The following GLYCTK variants were observed in gnomAD, a reference collection of about 807,000 sequenced individuals.
The protein encoded by GLYCTK is glycerate kinase.
A neutral mutation model predicts 24.8 loss-of-function variants in GLYCTK; 22 were observed. The ratio of observed to expected loss-of-function variants is 0.89; its 90% confidence interval spans 0.63 to 1.27. The LOEUF (loss-of-function observed/expected upper bound fraction) is 1.27, where lower values mean the gene tolerates loss of function less well. Ranked by LOEUF, GLYCTK falls within the 50% of genes most tolerant of loss-of-function variation. The pLI is 0.00. For synonymous variants in GLYCTK, 320 were observed against 297.2 expected, an observed-to-expected ratio of 1.08 and a Z score of -0.79; for missense variants, 684 against 686.7, an observed-to-expected ratio of 1.00 and a Z score of 0.04.
intron 2 of GLYCTK, 82 bp downstream of exon 2, chr3:52,290,801 C>G (rs896608794): frequency 7.6e-6 from 12 of 1,584,568 alleles, no homozygotes; most frequent in Non-Finnish European, 1.0e-5. Context: ...CGGGCCTCCC[C>G]TCCCCACCCG....
chr3:52,287,981 C>A (rs1700337327), intron 1 of GLYCTK, 105 bp downstream of exon 1: 3 of 347,144 alleles, frequency 8.6e-6, no homozygotes, highest in Non-Finnish European at 1.2e-5. Flanking sequence ...CATCACCGGG[C>A]ATTACGCGGC....
intron 1 of GLYCTK, chr3:52,288,144 C>T (rs1222878987): frequency 1.2e-5 from 2 of 167,310 alleles, no homozygotes; most frequent in African/African-American, 4.8e-5. Context: ...GCTCTGGAGC[C>T]TCCCGGAGTT....
At position 52,293,017 on chromosome 3, in the gene GLYCTK, A is replaced by T; in HGVS notation, c.1463A>T (p.Asp488Val). 1 of 1,614,010 alleles carries T rather than the reference A, an allele frequency of 6.2e-7. No individual in the cohort carries two copies. The part of the protein sequence containing the change: ...LDIATFLAHN[D>V]SHTFFCCLQG... ...ATAGCCACCTTCCTAGCCCACAATGACTCACATACCTTCTTCTGCTGCCTC... is the reference window on the plus strand; with the variant it reads ...ATAGCCACCTTCCTAGCCCACAATGTCTCACATACCTTCTTCTGCTGCCTC... The change falls in exon 5 of 5, where the codon GAC becomes GTC. Residue 488 changes from aspartate (D) to valine (V), a missense_variant. Asp to Val is a radical substitution (Grantham distance 152). Coordinates refer to ENST00000436784, the MANE Select transcript of GLYCTK (RefSeq NM_145262.4).
chr3:52,292,718 G>A lies in GLYCTK; in HGVS notation c.1164G>A (p.Leu388=), dbSNP rs1220767241. The change falls in exon 5 of 5, where the codon CTG becomes CTA. Residue 388 remains leucine, a synonymous_variant. Transcript: ENST00000436784. ...AAELQIPDLQ[L]EEALETMAWG... is the part of the protein sequence containing the mutation. ...AGCTTCAGATCCCAGACCTGCAGCT[G>A]GAGGAGGCTCTGGAGACCATGGCAT... 6.2e-7 allele frequency: 1 copy of A among 1,608,998 alleles called. No homozygotes were observed. Among genetic ancestry groups the A allele is most frequent in the Non-Finnish European group, 8.5e-7 (1 of 1,176,990 alleles).
At position 52,294,527 on chromosome 3, in the gene GLYCTK, G is replaced by A. The variant is rs1700583510; in HGVS notation, c.*1401G>A. The A allele has an allele frequency of 2.6e-6, 1 of 382,186 alleles. No homozygotes were observed. Among genetic ancestry groups the A allele is most frequent in the South Asian group, 1.9e-5 (1 of 51,958 alleles). 23.7% of individuals were successfully genotyped at this position (382,186 alleles called of 1,614,324 possible). A position where few individuals can be genotyped will look rare whatever the true frequency, so the allele number is the denominator to read the frequency against. ...GGGAGGGAGGTAAACGTGGTAAGCGGGCTCTGGGGACCAGGGAGGTTTAGG... is the reference window on the plus strand; with the variant it reads ...GGGAGGGAGGTAAACGTGGTAAGCGAGCTCTGGGGACCAGGGAGGTTTAGG... On this transcript the variant is annotated 3_prime_UTR_variant, in exon 5 of 5. Coordinates refer to ENST00000436784, the MANE Select transcript of GLYCTK (RefSeq NM_145262.4).
At position 52,294,951 on chromosome 3, in the gene GLYCTK, G is replaced by T. The variant is rs1230622616; in HGVS notation, c.*1825G>T. On this transcript the variant is annotated 3_prime_UTR_variant, in exon 5 of 5. Coordinates refer to ENST00000436784, the MANE Select transcript of GLYCTK (RefSeq NM_145262.4). ...CATAGATACTTAGTACAGGGCACATGACTCCCTGCATCCCTGCTGAGGGCT... is the reference window on the plus strand; with the variant it reads ...CATAGATACTTAGTACAGGGCACATTACTCCCTGCATCCCTGCTGAGGGCT... The T allele has an allele frequency of 8.8e-6, 4 of 453,964 alleles. No homozygotes were observed. The highest frequency in any genetic ancestry group is 1.3e-5 in the Non-Finnish European group (3 of 226,798). The allele number at this position is 453,964 out of a possible 1,614,324, so 28.1% of individuals were successfully genotyped here.
chr3:52,293,212 C>CT lies in GLYCTK; in HGVS notation c.*87dup. The CT allele has an allele frequency of 7.0e-7, 1 of 1,425,160 alleles. No homozygotes were observed. Among genetic ancestry groups the CT allele is most frequent in the Non-Finnish European group, 9.8e-7 (1 of 1,024,998 alleles). The allele number at this position is 1,425,160 out of a possible 1,614,324, so 88.3% of individuals were successfully genotyped here. On this transcript the variant is annotated 3_prime_UTR_variant, in exon 5 of 5. Transcript: ENST00000436784. ...AGCAAGGTTGGTCCTCAGGGCCTCT[C>CT]TAAGCCTTAGGGCCCCTCCTCTCCT... is the stretch of plus-strand genomic sequence containing the variant.
rs754471075 is a variant in GLYCTK at position 52,292,301 on chromosome 3, G to A, written c.747G>A (p.Val249=). The change falls in exon 5 of 5, where the codon GTG becomes GTA. Residue 249 remains valine, a synonymous_variant. Transcript: ENST00000436784. ...LILSDVVGDP[V]EVIASGPTVA... ...TGTCAGATGTGGTGGGGGACCCTGT[G>A]GAGGTGATTGCCAGTGGCCCCACCG... The A allele has an allele frequency of 2.5e-5, 40 of 1,613,992 alleles. No individual in the cohort carries two copies. The highest frequency in any genetic ancestry group is 3.3e-5 in the Non-Finnish European group (39 of 1,179,954).
Position 52,292,538 on chromosome 3 carries a change from C to T in GLYCTK, c.984C>T (p.Tyr328=). 6.2e-7 allele frequency: 1 copy of T among 1,613,924 alleles called. No individual in the cohort carries two copies. The highest frequency in any genetic ancestry group is 8.5e-7 in the Non-Finnish European group (1 of 1,180,016). The change falls in exon 5 of 5, where the codon TAC becomes TAT. Residue 328 remains tyrosine, a synonymous_variant. Coordinates refer to ENST00000436784, the MANE Select transcript of GLYCTK (RefSeq NM_145262.4). ...EAQRQAEALG[Y]QAVVLSAAMQ... The stretch of plus-strand genomic sequence containing the variant: ...AGCGGCAGGCCGAGGCACTGGGCTA[C>T]CAGGCTGTGGTGCTGAGTGCAGCCA...
In GLYCTK at chr3:52,293,302, T is replaced by C. The variant is rs1578032815; in HGVS notation, c.*176T>C. ...GGCCTCTGCTCTATATCTATTCCCT[T>C]CCAGCCAGACTGGCAGATGGGGGCT... On this transcript the variant is annotated 3_prime_UTR_variant, in exon 5 of 5. Coordinates refer to ENST00000436784, the MANE Select transcript of GLYCTK (RefSeq NM_145262.4). The C allele has an allele frequency of 1.3e-6, 1 of 742,312 alleles. No homozygotes were observed. The allele number at this position is 742,312 out of a possible 1,614,324, so 46.0% of individuals were successfully genotyped here. A position where few individuals can be genotyped will look rare whatever the true frequency, so the allele number is the denominator to read the frequency against.
Position 52,292,982 on chromosome 3 carries a change from G to A in GLYCTK, c.1428G>A (p.Glu476=). ...AGCTTGCCAGCCAGGCTGCAGCTGA[G>A]GGCCTGGACATAGCCACCTTCCTAG... The part of the protein sequence containing the change: ...TPELASQAAA[E]GLDIATFLAH... Residue 476 remains glutamate (E), a synonymous_variant, in exon 5 of 5, where the codon GAG becomes GAA. Transcript: ENST00000436784. 1 of 1,614,110 alleles carries A rather than the reference G, an allele frequency of 6.2e-7. No homozygotes were observed. The highest frequency in any genetic ancestry group is 8.5e-7 in the Non-Finnish European group (1 of 1,180,014).
intron 3 of GLYCTK, 183 bp from the exon 4 acceptor site, chr3:52,291,564 C>T (rs1700470444): frequency 1.6e-6 from 1 of 620,932 alleles, no homozygotes; most frequent in Non-Finnish European, 2.8e-6. Context: ...TGGGGTACCC[C>T]AAGGCAGGGG....
rs771806091 is a variant in GLYCTK at position 52,294,243 on chromosome 3, C to T, written c.*1117C>T. 3.0e-5 allele frequency: 16 copies of T among 534,656 alleles called. No homozygotes were observed. Among genetic ancestry groups the T allele is most frequent in the Admixed American group, 1.4e-4 (7 of 51,596 alleles). 33.1% of individuals were successfully genotyped at this position (534,656 alleles called of 1,614,324 possible). On this transcript the variant is annotated 3_prime_UTR_variant, in exon 5 of 5. Coordinates refer to ENST00000436784, the MANE Select transcript of GLYCTK (RefSeq NM_145262.4). ...CTGTCCCCGCCGTGCGCCACGGCTC[C>T]AATCCCTATATGAGTGAGCAGTAGA...
At chr3:52,289,577 A>G (rs1700394912) in intron 1 of GLYCTK, among the ~76,000 whole-genome samples, 1 of 152,302 alleles carries the variant, frequency 6.6e-6, no homozygotes, top group East Asian at 1.9e-4. Context: ...ATGGCCTCAC[A>G]TGGTGCCTGG....
chr3:52,293,054 A>G lies in GLYCTK; in HGVS notation c.1500A>G (p.Ala500=), dbSNP rs918720114. The change falls in exon 5 of 5, where the codon GCA becomes GCG. Residue 500 remains alanine (A), a synonymous_variant. Transcript: ENST00000436784. ...TCTTCTGCTGCCTCCAGGGTGGGGC[A>G]CACCTGCTGCACACAGGGATGACAG... ...HTFFCCLQGG[A]HLLHTGMTGT... 5 of 1,614,006 alleles carry G rather than the reference A, an allele frequency of 3.1e-6. No individual in the cohort carries two copies. Among genetic ancestry groups the G allele is most frequent in the Non-Finnish European group, 4.2e-6 (5 of 1,180,032 alleles).
chr3:52,287,998 T>G (rs1700338079), intron 1 of GLYCTK, 122 bp downstream of exon 1: 1 of 340,832 alleles, frequency 2.9e-6, no homozygotes, highest in African/African-American at 2.2e-5. Context: ...CGGCAGCCAT[T>G]TCCCTCGCTA....
chr3:52,290,870 T>G (rs1196045965), intron 2 of GLYCTK, 90 bp from the exon 3 acceptor site: 1 of 1,588,366 alleles, frequency 6.3e-7, no homozygotes. Context: ...GGCATCTTCG[T>G]TCATGCCCCC....
chr3:52,290,400 C>T lies in GLYCTK; in HGVS notation c.58C>T (p.Leu20Phe), dbSNP rs1235582633. 1 of 1,608,440 alleles carries T rather than the reference C, an allele frequency of 6.2e-7. No homozygotes were observed. The highest frequency in any genetic ancestry group is 1.1e-5 in the South Asian group (1 of 91,050). The change falls in exon 2 of 5, where the codon CTC becomes TTC. Residue 20 changes from leucine (L) to phenylalanine (F), a missense_variant. Transcript: ENST00000436784. ...RLARAPLHPL[L>F]WRGSVARLAS... The stretch of plus-strand genomic sequence containing the variant: ...GGCCCGAGCCCCCTTGCATCCACTC[C>T]TCTGGCGGGGCTCAGTGGCCCGTCT...
At chr3:52,291,193 C>A (rs1288786244) in intron 3 of GLYCTK, 82 bp downstream of exon 3, 2 of 1,524,748 alleles carry the variant, frequency 1.3e-6, no homozygotes, top group Non-Finnish European at 1.8e-6. Context: ...CAGGTCTGAG[C>A]CCCCGGGGTC....
Sources: allele counts gnomAD v4.1 joint callset (sites outside exome capture counted in the v4.1 genomes callset), GRCh38; gene constraint gnomAD v4.1.1; transcripts MANE v1.5; gene names NCBI Gene and HGNC (gene_info 2026-07-23, HGNC 2026-07-21).